The following FGF8 variants were observed in gnomAD, a reference collection of about 807,000 sequenced individuals.
FGF8 encodes the protein fibroblast growth factor 8.
Under a neutral mutation model 29.7 loss-of-function variants are expected in FGF8, and 12 were observed. That is an observed-to-expected ratio of 0.40 (90% CI 0.26 to 0.65). The LOEUF is 0.65. FGF8 is among the 30% of genes least tolerant of loss of function. The pLI is 0.37. For synonymous variants in FGF8, 157 were observed against 144.4 expected (o/e 1.09, Z -0.63); for missense variants, 271 against 345.1 (o/e 0.79, Z 1.70).
At chr10:101,770,760 C>T (rs2065012894) in intron 5 of FGF8, 141 bp from the exon 6 acceptor site, 2 of 880,064 alleles carry the variant, frequency 2.3e-6, no homozygotes, top group Admixed American at 2.0e-5. Context: ...CCTGGGCACC[C>T]GCTCTCTAAT....
chr10:101,775,298 T>C lies in FGF8; in HGVS notation c.70-82A>G. On this transcript the variant is annotated intron_variant, in intron 2 of 5. Transcript: ENST00000320185. The surrounding 1 kb of genome is among the most constrained non-coding windows in gnomAD (Gnocchi z 4.6). ...TATAAAGACAAATTTACGGAGCAAA[T>C]GTTGAGAGTGCAGGGAACCTGGGCA... is the stretch of plus-strand genomic sequence containing the variant. 3 of 1,020,402 alleles carry C rather than the reference T, an allele frequency of 2.9e-6. No homozygotes were observed. The highest frequency in any genetic ancestry group is 3.0e-6 in the Non-Finnish European group (2 of 676,750). The allele number at this position is 1,020,402 out of a possible 1,614,324, so 63.2% of individuals were successfully genotyped here.
upstream of FGF8, among the ~76,000 whole-genome samples, chr10:101,777,785 G>C (rs1371734654): frequency 6.6e-6 from 1 of 152,230 alleles, no homozygotes; most frequent in Non-Finnish European, 1.5e-5. Context: ...ATGAATGATG[G>C]GGGAAGTGGC....
rs2065016740 is a variant in FGF8 at position 101,771,050 on chromosome 10, A to G, written c.444+413T>C. On this transcript the variant is annotated intron_variant, in intron 5 of 5. Coordinates refer to ENST00000320185, the MANE Select transcript of FGF8 (RefSeq NM_033163.5). This position sits in a 1 kb window ranked among gnomAD's most constrained non-coding sequence, Gnocchi z 5.3. ...AGACCCCAGCCCCAGAAGCCCAGGA[A>G]GTGGGGAGCTCGAGGCTGGAGAGGA... 6.6e-6 allele frequency among the ~76,000 whole-genome samples: 1 copy of G among 151,772 alleles called. No homozygotes were observed. Among genetic ancestry groups the G allele is most frequent in the African/African-American group, 2.4e-5 (1 of 41,256 alleles).
chr10:101,777,079 G>A (rs2065104959), upstream of FGF8, among the ~76,000 whole-genome samples: 2 of 152,124 alleles, frequency 1.3e-5, no homozygotes, highest in Admixed American at 6.5e-5. Flanking sequence ...AGCCCCACTC[G>A]TTTTTCATTT....
intron 4 of FGF8, among the ~76,000 whole-genome samples, chr10:101,773,334 G>C (rs182704542): frequency 6.6e-6 from 1 of 152,142 alleles, no homozygotes; most frequent in East Asian, 1.9e-4. Flanking sequence ...CCAGGCATTC[G>C]TCTCCTCTCC....
upstream of FGF8, among the ~76,000 whole-genome samples, chr10:101,776,664 G>C (rs2065098874): frequency 6.6e-6 from 1 of 151,976 alleles, no homozygotes; most frequent in Admixed American, 6.5e-5. Context: ...TGCAGCGAAT[G>C]GCTGCGCACC....
chr10:101,780,346 G>A (rs982273801), upstream of FGF8: 6 of 152,188 alleles, frequency 3.9e-5, no homozygotes, highest in African/African-American at 1.4e-4. Flanking sequence ...AAGAGCGTGC[G>A]GGTCGGTACT....
At position 101,775,805 on chromosome 10, in the gene FGF8, A is replaced by G. The variant is rs1167091362; in HGVS notation, c.33-29T>C. ...TGGGAGACAAAAGCGGGCGGGAGAG[A>G]GAGGCGCGGGTGAGGCGAGGGGCGC... On this transcript the variant is annotated intron_variant, in intron 1 of 5. Transcript: ENST00000320185. This position sits in a 1 kb window ranked among gnomAD's most constrained non-coding sequence, Gnocchi z 4.6. 1 of 1,536,634 alleles carries G rather than the reference A, an allele frequency of 6.5e-7. No individual in the cohort carries two copies. Among genetic ancestry groups the G allele is most frequent in the African/African-American group, 1.4e-5 (1 of 71,224 alleles).
chr10:101,771,598 T>A lies in FGF8; in HGVS notation c.338-29A>T. 6.3e-7 allele frequency: 1 copy of A among 1,577,250 alleles called. No homozygotes were observed. Among genetic ancestry groups the A allele is most frequent in the Non-Finnish European group, 8.7e-7 (1 of 1,146,786 alleles). On this transcript the variant is annotated intron_variant, in intron 4 of 5. Coordinates refer to ENST00000320185, the MANE Select transcript of FGF8 (RefSeq NM_033163.5). This position sits in a 1 kb window ranked among gnomAD's most constrained non-coding sequence, Gnocchi z 5.3. ...TCAGAGAAGGTAGCAGGATGGCTAT[T>A]GGCAGATCCCTGACCCCAGCTGGCC...
Position 101,771,340 on chromosome 10 carries a change from G to T in FGF8, c.444+123C>A. 1 of 747,864 alleles carries T rather than the reference G, an allele frequency of 1.3e-6. No homozygotes were observed. Among genetic ancestry groups the T allele is most frequent in the Non-Finnish European group, 2.4e-6 (1 of 415,010 alleles). 46.3% of individuals were successfully genotyped at this position (747,864 alleles called of 1,614,324 possible). On this transcript the variant is annotated intron_variant, in intron 5 of 5. Transcript: ENST00000320185. The surrounding 1 kb of genome is among the most constrained non-coding windows in gnomAD (Gnocchi z 5.3). ...GCACCCAATCGTGAGGTAACCCCAAGATGGCCCTGTGGCCTTCTGCCTACC... is the reference window on the plus strand; with the variant it reads ...GCACCCAATCGTGAGGTAACCCCAATATGGCCCTGTGGCCTTCTGCCTACC...
Position 101,771,617 on chromosome 10 carries a change from G to T in FGF8, c.338-48C>A. The T allele has an allele frequency of 6.8e-7, 1 of 1,474,454 alleles. No homozygotes were observed. The highest frequency in any genetic ancestry group is 9.5e-7 in the Non-Finnish European group (1 of 1,054,744). 91.3% of individuals were successfully genotyped at this position (1,474,454 alleles called of 1,614,324 possible). ...GGCTATTGGCAGATCCCTGACCCCA[G>T]CTGGCCCACACACTTGTCACAGCCC... On this transcript the variant is annotated intron_variant, in intron 4 of 5. Coordinates refer to ENST00000320185, the MANE Select transcript of FGF8 (RefSeq NM_033163.5). This position sits in a 1 kb window ranked among gnomAD's most constrained non-coding sequence, Gnocchi z 5.3.
At position 101,770,179 on chromosome 10, in the gene FGF8, C is replaced by A. The variant is rs2134987224; in HGVS notation, c.*150G>T. ...AAAAAAAAAAACAGCAAAAACCCAA[C>A]AGCAAACAATATCAACAACCGGAAC... On this transcript the variant is annotated 3_prime_UTR_variant, in exon 6 of 6. Coordinates refer to ENST00000320185, the MANE Select transcript of FGF8 (RefSeq NM_033163.5). 46 of 558,592 alleles carry A rather than the reference C, an allele frequency of 8.2e-5. No individual in the cohort carries two copies. Among genetic ancestry groups the A allele is most frequent in the Non-Finnish European group, 1.2e-4 (40 of 342,406 alleles). The allele number at this position is 558,592 out of a possible 1,614,324, so 34.6% of individuals were successfully genotyped here.
upstream of FGF8, chr10:101,776,212 G>GCGC (rs2065091163): frequency 8.7e-6 from 1 of 115,026 alleles, no homozygotes; most frequent in Non-Finnish European, 1.9e-5. Flanking sequence ...GCCGCACCGG[G>GCGC]CGCGAGGGGG....
rs758933553 is a variant in FGF8 at position 101,770,324 on chromosome 10, A to G, written c.*5T>C. 9 of 1,587,666 alleles carry G rather than the reference A, an allele frequency of 5.7e-6. No individual in the cohort carries two copies. In the South Asian group the frequency reaches 8.0e-5, roughly 14 times the overall value. Reference sequence around the variant, plus strand: ...TCTGGCATTGTGGGGAGGGCCAGGCAGCACCTATCGGGGCTCGGGGGCCCA... The same window carrying G: ...TCTGGCATTGTGGGGAGGGCCAGGCGGCACCTATCGGGGCTCGGGGGCCCA... On this transcript the variant is annotated 3_prime_UTR_variant, in exon 6 of 6. Coordinates refer to ENST00000320185, the MANE Select transcript of FGF8 (RefSeq NM_033163.5).
rs77611428 is a variant in FGF8, at chr10:101,770,199, C to G, written c.*130G>C. ...CCCAACAGCAAACAATATCAACAAC[C>G]GGAACCCAGGGCTCCCCCAGCACCT... is the stretch of plus-strand genomic sequence containing the variant. On this transcript the variant is annotated 3_prime_UTR_variant, in exon 6 of 6. Coordinates refer to ENST00000320185, the MANE Select transcript of FGF8 (RefSeq NM_033163.5). The G allele has an allele frequency of 2.4e-3, 1,957 of 831,580 alleles. 8 individuals are homozygous for G. Among genetic ancestry groups the G allele is most frequent in the Non-Finnish European group, 2.9e-3 (1,656 of 562,042 alleles). The allele number at this position is 831,580 out of a possible 1,614,324, so 51.5% of individuals were successfully genotyped here.
chr10:101,774,862 G>T lies in FGF8; in HGVS notation c.207C>A (p.Ser69Arg). 6.2e-7 allele frequency: 1 copy of T among 1,614,060 alleles called. No individual in the cohort carries two copies. The highest frequency in any genetic ancestry group is 8.5e-7 in the Non-Finnish European group (1 of 1,180,044). Reference protein sequence around the residue: ...PNFTQHVREQSLVTDQLSRRL... With the variant: ...PNFTQHVREQRLVTDQLSRRL... ...GGCGGCTGAGCTGATCCGTCACCAGGCTCTGCTCCCTCACATGCTGTGTAA... is the reference window on the plus strand; with the variant it reads ...GGCGGCTGAGCTGATCCGTCACCAGTCTCTGCTCCCTCACATGCTGTGTAA... The change falls in exon 4 of 6, where the codon AGC becomes AGA. Residue 69 changes from serine (S) to arginine (R), a missense_variant. Ser to Arg is a moderately radical substitution (Grantham distance 110, BLOSUM62 -1). Around this residue, in one of 3 missense-constraint regions of FGF8, gnomAD observed 168 missense variants for 207.0 expected, o/e 0.81. Transcript: ENST00000320185.
rs975834701 is a variant in FGF8 at position 101,775,033 on chromosome 10, T to A, written c.156+97A>T. On this transcript the variant is annotated intron_variant, in intron 3 of 5. Transcript: ENST00000320185. This position sits in a 1 kb window ranked among gnomAD's most constrained non-coding sequence, Gnocchi z 4.6. ...CAAGCCGCCAGCAGGTGCTGGGGGT[T>A]CCCCCAACATGCCAGCCCAGGCCAC... The A allele has an allele frequency of 4.0e-6, 6 of 1,493,238 alleles. No individual in the cohort carries two copies. Among genetic ancestry groups the A allele is most frequent in the Non-Finnish European group, 5.5e-6 (6 of 1,090,522 alleles). 92.5% of individuals were successfully genotyped at this position (1,493,238 alleles called of 1,614,324 possible).
chr10:101,775,551 G>A lies in FGF8; in HGVS notation c.69+189C>T. 3.1e-6 allele frequency: 2 copies of A among 639,368 alleles called. No individual in the cohort carries two copies. Among genetic ancestry groups the A allele is most frequent in the Non-Finnish European group, 5.4e-6 (2 of 369,914 alleles). 39.6% of individuals were successfully genotyped at this position (639,368 alleles called of 1,614,324 possible). On this transcript the variant is annotated intron_variant, in intron 2 of 5. Transcript: ENST00000320185. This position sits in a 1 kb window ranked among gnomAD's most constrained non-coding sequence, Gnocchi z 4.6. ...TATCCTGGCCACTCACTCGCTGTGTGACCTCAGGAGGGGTGCTACCTCTCT... is the reference window on the plus strand; with the variant it reads ...TATCCTGGCCACTCACTCGCTGTGTAACCTCAGGAGGGGTGCTACCTCTCT...
At position 101,775,780 on chromosome 10, in the gene FGF8, T is replaced by C; in HGVS notation, c.33-4A>G. The C allele has an allele frequency of 6.5e-7, 1 of 1,542,726 alleles. No homozygotes were observed. Among genetic ancestry groups the C allele is most frequent in the South Asian group, 1.2e-5 (1 of 83,776 alleles). Reference sequence around the variant, plus strand: ...GAGGACCAGCAAGTGCAACAGCCTGTGGGAGACAAAAGCGGGCGGGAGAGA... The same window carrying C: ...GAGGACCAGCAAGTGCAACAGCCTGCGGGAGACAAAAGCGGGCGGGAGAGA... On this transcript the variant is annotated splice_region_variant and splice_polypyrimidine_tract_variant and intron_variant, in intron 1 of 5. Transcript: ENST00000320185. This position sits in a 1 kb window ranked among gnomAD's most constrained non-coding sequence, Gnocchi z 4.6.
Sources: allele counts gnomAD v4.1 joint callset (sites outside exome capture counted in the v4.1 genomes callset), GRCh38; gene constraint gnomAD v4.1.1; regional missense constraint gnomAD v4.1.1; non-coding constraint Gnocchi (gnomAD v3.1); transcripts MANE v1.5; gene names NCBI Gene and HGNC (gene_info 2026-07-23, HGNC 2026-07-21).